The following IQSEC2 variants were observed in gnomAD, a reference collection of about 807,000 sequenced individuals.
IQSEC2 encodes the protein IQ motif and SEC7 domain-containing protein 2.
In IQSEC2, 6 loss-of-function variants were observed where a neutral mutation model predicts 74.6. The observed-to-expected ratio is 0.08, with a 90% CI of 0.04 to 0.16. IQSEC2 has a LOEUF of 0.16. Ranked by LOEUF, IQSEC2 falls within the 10% of genes least tolerant of loss-of-function variation. The probability of loss-of-function intolerance (pLI) is 1.00; values close to 1 mark genes in which losing one functional copy is unlikely to be tolerated. For synonymous variants in IQSEC2, 494 were observed against 544.5 expected (o/e 0.91, Z 1.29); for missense variants, 734 against 1,306.2 (o/e 0.56, Z 6.75).
Position 53,272,356 on chromosome X carries a change from T to G in IQSEC2, c.738-16295A>C, listed in dbSNP as rs781977037. ...AACACTAATAATAGCTACTCTTTCC[T>G]GAGTACCCATTATGTGCCAGCCACT... On this transcript the variant is annotated intron_variant, in intron 2 of 14. Coordinates refer to ENST00000642864, the MANE Select transcript of IQSEC2 (RefSeq NM_001111125.3). 1.7e-4 allele frequency among the ~76,000 whole-genome samples: 19 copies of G among 111,795 alleles called. No homozygotes were observed. In the South Asian group the frequency reaches 7.2e-3, roughly 43 times the overall value.
intron 12 of IQSEC2, 112 bp downstream of exon 12, chrX:53,238,033 G>T: frequency 1.2e-6 from 1 of 868,094 alleles, no homozygotes; most frequent in Non-Finnish European, 1.7e-6. Context: ...ATGAGGATGG[G>T]AAGGTTGGAC....
At chrX:53,295,603 CAAAAAAAAAAAA>C (rs782410222) in intron 1 of IQSEC2, among the ~76,000 whole-genome samples, 5 of 40,578 alleles carry the variant, frequency 1.2e-4, no homozygotes, top group East Asian at 8.4e-4. Context: ...GACTCCGTCT[CAAAAAAAAAAAA>C]AAAAAAAAAA....
At chrX:53,243,896 T>C (rs927396893) in intron 8 of IQSEC2, among the ~76,000 whole-genome samples, 1 of 111,981 alleles carries the variant, frequency 8.9e-6, no homozygotes, top group Non-Finnish European at 1.9e-5. Flanking sequence ...AAGGAACTAC[T>C]CAGAAATATG....
chrX:53,298,617 G>A (rs1556874849), intron 1 of IQSEC2, among the ~76,000 whole-genome samples: 1 of 111,531 alleles, frequency 9.0e-6, no homozygotes, highest in Non-Finnish European at 1.9e-5. Flanking sequence ...CTCAGCAGGA[G>A]TTTTCACTCC....
Position 53,320,566 on chromosome X carries a change from C to T in IQSEC2, c.558G>A (p.Ala186=), listed in dbSNP as rs1413588650. 12 of 1,155,985 alleles carry T rather than the reference C, an allele frequency of 1.0e-5. No individual in the cohort carries two copies. The highest frequency in any genetic ancestry group is 1.4e-5 in the Non-Finnish European group (12 of 868,564). The part of the protein sequence containing the change: ...GPAHPGREKE[A]GYSAAVGVGP... ...CCACGCCCACCGCCGCCGAATAGCC[C>T]GCTTCCTTCTCGCGGCCCGGGTGCG... is the stretch of plus-strand genomic sequence containing the variant. Residue 186 remains alanine (A), a synonymous_variant, in exon 1 of 15, where the codon GCG becomes GCA. Transcript: ENST00000642864.
In IQSEC2 at chrX:53,320,558, G is replaced by A. The variant is rs1474659446; in HGVS notation, c.566C>T (p.Ser189Leu). The A allele has an allele frequency of 2.6e-6, 3 of 1,155,259 alleles. No homozygotes were observed. In the African/African-American group the frequency reaches 5.5e-5, roughly 21 times the overall value. The change falls in exon 1 of 15, where the codon TCG (serine) becomes TTG (leucine). Residue 189 changes from serine to leucine, a missense_variant. Physicochemically the swap from Ser to Leu is moderately radical, Grantham distance 145 (BLOSUM62 -2). Coordinates refer to ENST00000642864, the MANE Select transcript of IQSEC2 (RefSeq NM_001111125.3). Reference protein sequence around the residue: ...HPGREKEAGYSAAVGVGPRPP... With the variant: ...HPGREKEAGYLAAVGVGPRPP... The stretch of plus-strand genomic sequence containing the variant: ...CCGCGGCCCCACGCCCACCGCCGCC[G>A]AATAGCCCGCTTCCTTCTCGCGGCC...
chrX:53,277,253 C>G (rs1436675669), intron 2 of IQSEC2, among the ~76,000 whole-genome samples: 1 of 110,486 alleles, frequency 9.1e-6, no homozygotes. Flanking sequence ...ACACCGTTGC[C>G]CTGGCTGGAG....
chrX:53,226,116 TTTA>T (rs782586111), downstream of IQSEC2: 1 of 112,931 alleles, frequency 8.9e-6, no homozygotes, highest in East Asian at 2.8e-4. Context: ...TTTTATTGTA[TTTA>T]TTGTGTATAG....
intron 2 of IQSEC2, among the ~76,000 whole-genome samples, chrX:53,268,881 A>C (rs1314294397): frequency 8.9e-6 from 1 of 112,449 alleles, no homozygotes; most frequent in Non-Finnish European, 1.9e-5. Context: ...CCATTCCAGG[A>C]CACACTTTCC....
At chrX:53,289,559 GCTGCCTGCTCCAGCAAGCTCTC>G (rs1442975468) in intron 2 of IQSEC2, among the ~76,000 whole-genome samples, 9 of 111,219 alleles carry the variant, frequency 8.1e-5, no homozygotes, top group Non-Finnish European at 1.7e-4. Context: ...CTGCTCAGAC[GCTGCCTGCTCCAGCAAGCTCTC>G]CTTCACCCTA....
intron 1 of IQSEC2, among the ~76,000 whole-genome samples, chrX:53,302,684 T>C (rs782765943): frequency 4.5e-5 from 5 of 111,971 alleles, no homozygotes; most frequent in Non-Finnish European, 9.4e-5. Context: ...ATGCCTATAA[T>C]CCCAGCACTT....
At chrX:53,272,070 G>A (rs2074752530) in intron 2 of IQSEC2, among the ~76,000 whole-genome samples, 1 of 110,548 alleles carries the variant, frequency 9.0e-6, no homozygotes, top group Non-Finnish European at 1.9e-5. Context: ...TATTCCTTCT[G>A]CCTGGAATGC....
intron 2 of IQSEC2, among the ~76,000 whole-genome samples, 171 bp from the exon 3 acceptor site, chrX:53,256,232 G>A (rs1383894691): frequency 1.8e-5 from 2 of 110,705 alleles, no homozygotes; most frequent in Admixed American, 9.5e-5. Flanking sequence ...GCTCTTGGAC[G>A]TCTCCCCACT....
intron 2 of IQSEC2, among the ~76,000 whole-genome samples, chrX:53,288,874 C>G (rs1349579544): frequency 8.9e-6 from 1 of 111,802 alleles, no homozygotes; most frequent in Non-Finnish European, 1.9e-5. Context: ...CTCTCTGGAC[C>G]TTGGCTTAAG....
chrX:53,296,593 C>T (rs1292648415), intron 1 of IQSEC2, among the ~76,000 whole-genome samples: 1 of 111,232 alleles, frequency 9.0e-6, no homozygotes, highest in Non-Finnish European at 1.9e-5. Flanking sequence ...CGGAGCCTCA[C>T]TCTGTCGCCC....
chrX:53,277,357 G>A (rs928633802), intron 2 of IQSEC2, among the ~76,000 whole-genome samples: 8 of 108,440 alleles, frequency 7.4e-5, no homozygotes, highest in Non-Finnish European at 1.2e-4. Context: ...GATTACAGGC[G>A]CCTGCCACCA....
At chrX:53,263,287 T>C (rs192689858) in intron 2 of IQSEC2, among the ~76,000 whole-genome samples, 1 of 111,650 alleles carries the variant, frequency 9.0e-6, no homozygotes, top group African/African-American at 3.3e-5. Flanking sequence ...TGGCAGAAGA[T>C]GCACAGAGCT....
intron 8 of IQSEC2, among the ~76,000 whole-genome samples, chrX:53,243,679 T>C (rs1556861463): frequency 3.6e-5 from 4 of 111,943 alleles, no homozygotes. Context: ...TGGGGAATTT[T>C]TTCTCAACAA....
At chrX:53,315,544 G>A (rs1364106674) in intron 1 of IQSEC2, among the ~76,000 whole-genome samples, 1 of 111,696 alleles carries the variant, frequency 9.0e-6, no homozygotes, top group African/African-American at 3.3e-5. Context: ...TATTCATTGA[G>A]TGATCCTGGG....
Sources: allele counts gnomAD v4.1 joint callset (sites outside exome capture counted in the v4.1 genomes callset), GRCh38; gene constraint gnomAD v4.1.1; transcripts MANE v1.5; gene names NCBI Gene and HGNC (gene_info 2026-07-23, HGNC 2026-07-21).